PARD3B: variants seen among roughly 807,000 people sequenced by gnomAD.
The protein encoded by PARD3B is partitioning defective 3 homolog B.
In PARD3B, 103 loss-of-function variants were observed where a neutral mutation model predicts 130.2. The observed-to-expected ratio is 0.79, with a 90% confidence interval of 0.67 to 0.93. The LOEUF (loss-of-function observed/expected upper bound fraction) is 0.93. Ranked by LOEUF, PARD3B falls within the 40% of genes least tolerant of loss-of-function variation. The probability of loss-of-function intolerance (pLI) is 0.00; values close to 1 mark genes in which losing one functional copy is unlikely to be tolerated. For missense variants in PARD3B, 1,609 were observed against 1,499.2 expected (o/e 1.07, Z -1.21); for synonymous variants, 583 against 553.2 (o/e 1.05, Z -0.76).
In PARD3B at chr2:205,575,668, G is replaced by A. The variant is rs992605204; in HGVS notation, c.3260+22265G>A. Among the ~76,000 whole-genome samples the A allele has an allele frequency of 3.3e-5, 5 of 151,930 alleles. No homozygotes were observed. The highest frequency in any genetic ancestry group is 2.6e-4 in the Admixed American group (4 of 15,240). On this transcript the variant is annotated intron_variant, in intron 22 of 22. Coordinates refer to ENST00000406610, the MANE Select transcript of PARD3B (RefSeq NM_001302769.2). The surrounding 1 kb of genome is among the most constrained non-coding windows in gnomAD (Gnocchi z 4.6). ...ATTGGCTTCTTTCACTTTATAATAT[G>A]CATTTAAGTTTCCTCCATGCTTTTT...
chr2:204,598,886 G>C (rs1188495705), intron 1 of PARD3B, among the ~76,000 whole-genome samples: 1 of 151,822 alleles, frequency 6.6e-6, no homozygotes, highest in Non-Finnish European at 1.5e-5. Flanking sequence ...AAGAGATCCT[G>C]TCAATGCTGC....
At position 205,341,828 on chromosome 2, in the gene PARD3B, CT is replaced by C. The variant is rs1340699690; in HGVS notation, c.2630+40128del. On this transcript the variant is annotated intron_variant, in intron 18 of 22. Transcript: ENST00000406610. The surrounding 1 kb of genome is among the most constrained non-coding windows in gnomAD (Gnocchi z 4.3). ...ATTATATGTGCATATTAAAATATCA[CT>C]CTGTATTACTCCTAAATATGTACAA... Among the ~76,000 whole-genome samples the C allele has an allele frequency of 6.6e-6, 1 of 152,028 alleles. No individual in the cohort carries two copies. Among genetic ancestry groups the C allele is most frequent in the African/African-American group, 2.4e-5 (1 of 41,392 alleles).
chr2:204,574,348 T>C (rs1021063451), intron 1 of PARD3B, among the ~76,000 whole-genome samples: 4 of 152,252 alleles, frequency 2.6e-5, no homozygotes, highest in African/African-American at 9.6e-5. Flanking sequence ...ACTTTATTCA[T>C]AATAAATTTT....
intron 1 of PARD3B, among the ~76,000 whole-genome samples, chr2:204,547,487 G>A (rs1400991221): frequency 1.3e-5 from 2 of 152,188 alleles, no homozygotes; most frequent in African/African-American, 2.4e-5. Context: ...GTGTGTGCAC[G>A]TGCATATGTG....
chr2:205,443,859 G>A (rs1472219617), intron 20 of PARD3B, among the ~76,000 whole-genome samples: 3 of 152,166 alleles, frequency 2.0e-5, no homozygotes, highest in Non-Finnish European at 4.4e-5. Context: ...GTTAATGAAG[G>A]TCCTGAGGCA....
At chr2:205,215,668 A>C (rs750606910) in intron 15 of PARD3B, among the ~76,000 whole-genome samples, 1 of 152,140 alleles carries the variant, frequency 6.6e-6, no homozygotes, top group Non-Finnish European at 1.5e-5. Context: ...GGTACAGAAC[A>C]TGCTTGTTGG....
intron 3 of PARD3B, among the ~76,000 whole-genome samples, chr2:204,965,995 A>G (rs1360303162): frequency 6.6e-6 from 1 of 152,162 alleles, no homozygotes; most frequent in Non-Finnish European, 1.5e-5. Flanking sequence ...ATATCTTGGT[A>G]TTTCAAACAA....
At chr2:204,596,917 A>ACTCTCTCTCTCTCT (rs560128486) in intron 1 of PARD3B, among the ~76,000 whole-genome samples, 9 of 125,168 alleles carry the variant, frequency 7.2e-5, no homozygotes, top group African/African-American at 2.7e-4. Flanking sequence ...AAACTCACTC[A>ACTCTCTCTCTCTCT]CTCTCTCTCT....
intron 13 of PARD3B, among the ~76,000 whole-genome samples, chr2:205,184,694 A>G (rs1324210815): frequency 6.6e-6 from 1 of 152,052 alleles, no homozygotes; most frequent in African/African-American, 2.4e-5. Context: ...GTGAGCCAAG[A>G]TCGTGCCACT....
intron 2 of PARD3B, among the ~76,000 whole-genome samples, chr2:204,924,292 G>A (rs1687416347): frequency 6.6e-6 from 1 of 152,044 alleles, no homozygotes; most frequent in African/African-American, 2.4e-5. Flanking sequence ...TCTTCATGCT[G>A]TTAGAATGTT....
intron 2 of PARD3B, among the ~76,000 whole-genome samples, chr2:204,759,129 A>G (rs995861720): frequency 3.7e-4 from 56 of 152,112 alleles, no homozygotes; most frequent in African/African-American, 1.2e-3. Context: ...TCTCATAATA[A>G]TTCTTCATGA....
intron 21 of PARD3B, among the ~76,000 whole-genome samples, chr2:205,541,062 T>C (rs1382418125): frequency 6.6e-6 from 1 of 151,034 alleles, no homozygotes; most frequent in Non-Finnish European, 1.5e-5. Flanking sequence ...TAAGATGCTA[T>C]ATATACATGT....
chr2:205,513,108 GT>G, intron 21 of PARD3B, among the ~76,000 whole-genome samples: 1 of 151,836 alleles, frequency 6.6e-6, no homozygotes, highest in South Asian at 2.1e-4. Flanking sequence ...TGTGTATGTG[GT>G]TATAAGGGAA....
chr2:205,494,050 T>C (rs1218214394), intron 20 of PARD3B, among the ~76,000 whole-genome samples: 1 of 151,940 alleles, frequency 6.6e-6, no homozygotes, highest in Non-Finnish European at 1.5e-5. Context: ...GTGAGCCACC[T>C]CACCTGACCT....
intron 22 of PARD3B, among the ~76,000 whole-genome samples, chr2:205,573,933 C>T (rs1559230830): frequency 1.3e-5 from 2 of 151,990 alleles, no homozygotes; most frequent in Non-Finnish European, 2.9e-5. Context: ...AACGTGCCAA[C>T]AAATTGACTT....
chr2:205,498,198 TAA>T (rs61076057), intron 20 of PARD3B, among the ~76,000 whole-genome samples: 113,870 of 124,616 alleles, frequency 0.91, 52,472 homozygotes, highest in South Asian at 0.99. Flanking sequence ...AGACTCTGAC[TAA>T]AAAAAAAAAA....
At chr2:205,062,757 TTTTTGTATC>T (rs1700134714) in intron 4 of PARD3B, among the ~76,000 whole-genome samples, 1 of 152,190 alleles carries the variant, frequency 6.6e-6, no homozygotes, top group South Asian at 2.1e-4. Context: ...GTACAGTATA[TTTTTGTATC>T]TTTTGCAGTG....
In PARD3B at chr2:205,121,696, T is replaced by C. The variant is rs755610659; in HGVS notation, c.912T>C (p.Leu304=). ...EQYEKSVIGS[L]NIFGNNDGVL... is the part of the protein sequence containing the mutation. ...ATGAAAAGTCAGTCATTGGCTCTCT[T>C]AACATTTTTGGTAATAATGATGGCG... The change falls in exon 8 of 23, where the codon CTT becomes CTC. Residue 304 remains leucine, a synonymous_variant. Transcript: ENST00000406610. This position sits in a 1 kb window ranked among gnomAD's most constrained non-coding sequence, Gnocchi z 5.0. 1.9e-6 allele frequency: 3 copies of C among 1,614,166 alleles called. No individual in the cohort carries two copies. The highest frequency in any genetic ancestry group is 2.5e-6 in the Non-Finnish European group (3 of 1,180,044).
intron 18 of PARD3B, among the ~76,000 whole-genome samples, chr2:205,355,216 G>A (rs1030872265): frequency 3.3e-5 from 5 of 152,056 alleles, no homozygotes; most frequent in East Asian, 1.9e-4. Flanking sequence ...ATTTTTCACC[G>A]GACCTCATGC....
Sources: gnomAD v4.1 joint callset for allele counts (sites outside exome capture counted in the v4.1 genomes callset) on GRCh38, gnomAD v4.1.1 for gene constraint, Gnocchi (gnomAD v3.1) non-coding constraint, MANE v1.5 for transcripts, NCBI Gene and HGNC (gene_info 2026-07-23, HGNC 2026-07-21) for gene names.